ZNRF2: variants seen among roughly 807,000 people sequenced by gnomAD.
ZNRF2 encodes the protein zinc and ring finger 2, also known as E3 ubiquitin-protein ligase ZNRF2.
A neutral mutation model predicts 20.4 loss-of-function variants in ZNRF2; 16 were observed. The observed-to-expected ratio is 0.79, with a 90% CI of 0.53 to 1.19. The LOEUF (loss-of-function observed/expected upper bound fraction) is 1.19. ZNRF2 is among the 50% of genes most tolerant of loss of function. The probability of loss-of-function intolerance (pLI) is 0.00; values close to 1 mark genes in which losing one functional copy is unlikely to be tolerated. For missense variants in ZNRF2, 363 were observed against 332.4 expected (o/e 1.09, Z -0.72); for synonymous variants, 178 against 144.9 (o/e 1.23, Z -1.64).
intron 2 of ZNRF2, among the ~76,000 whole-genome samples, chr7:30,355,426 G>T (rs1291117633): frequency 6.6e-6 from 1 of 151,978 alleles, no homozygotes; most frequent in Non-Finnish European, 1.5e-5. Context: ...CAAATAACTA[G>T]CTTATTGATA....
At chr7:30,326,485 T>G (rs558531960) in intron 2 of ZNRF2, among the ~76,000 whole-genome samples, 7 of 152,364 alleles carry the variant, frequency 4.6e-5, no homozygotes, top group South Asian at 2.1e-4. Context: ...TATGGCTGTG[T>G]AGTATTCACA....
intron 3 of ZNRF2, 108 bp from the exon 4 acceptor site, chr7:30,362,269 A>G: frequency 3.0e-6 from 2 of 665,302 alleles, no homozygotes; most frequent in Non-Finnish European, 4.8e-6. Context: ...TAAAATGCTC[A>G]TTTTTTTCTG....
intron 1 of ZNRF2, among the ~76,000 whole-genome samples, chr7:30,310,490 G>A (rs893032394): frequency 5.9e-5 from 9 of 152,134 alleles, no homozygotes; most frequent in Non-Finnish European, 1.2e-4. Context: ...GTTTGGGTAA[G>A]CCATAGAGAC....
intron 1 of ZNRF2, among the ~76,000 whole-genome samples, chr7:30,309,117 TTTTAC>T (rs1340270999): frequency 6.6e-6 from 1 of 152,168 alleles, no homozygotes; most frequent in Non-Finnish European, 1.5e-5. Flanking sequence ...CTGAGGGCCT[TTTTAC>T]TTTAAAAAGT....
At chr7:30,335,142 A>G (rs1799697267) in intron 2 of ZNRF2, among the ~76,000 whole-genome samples, 1 of 152,180 alleles carries the variant, frequency 6.6e-6, no homozygotes, top group South Asian at 2.1e-4. Context: ...GAGGACTATG[A>G]CATCTGTTTT....
At chr7:30,344,999 A>G (rs995797384) in intron 2 of ZNRF2, among the ~76,000 whole-genome samples, 2 of 152,144 alleles carry the variant, frequency 1.3e-5, no homozygotes, top group African/African-American at 4.8e-5. Context: ...TCTTTTTGCC[A>G]GAATGCCCAA....
chr7:30,294,659 C>T (rs36062935), intron 1 of ZNRF2, among the ~76,000 whole-genome samples: 25,799 of 151,720 alleles, frequency 0.17, 2,684 homozygotes, highest in Admixed American at 0.25. Context: ...GGCAGGTGCC[C>T]GTAATCCCAG....
chr7:30,324,398 A>T (rs1799520189), intron 2 of ZNRF2, among the ~76,000 whole-genome samples: 1 of 151,752 alleles, frequency 6.6e-6, no homozygotes, highest in African/African-American at 2.4e-5. Flanking sequence ...GAAAAAAAAA[A>T]ATTAGCTGGG....
At chr7:30,330,182 T>C (rs148516338) in intron 2 of ZNRF2, among the ~76,000 whole-genome samples, 460 of 152,306 alleles carry the variant, frequency 3.0e-3, no homozygotes, top group Non-Finnish European at 4.6e-3. Context: ...TTTGTTTTAC[T>C]TGTGGTTGGT....
intron 1 of ZNRF2, among the ~76,000 whole-genome samples, chr7:30,299,995 A>G (rs777861982): frequency 2.3e-4 from 35 of 151,842 alleles, no homozygotes; most frequent in Non-Finnish European, 3.7e-4. Context: ...TGTGTTAGCC[A>G]GGATGGTCTT....
intron 1 of ZNRF2, among the ~76,000 whole-genome samples, chr7:30,287,968 A>G (rs772872311): frequency 0.013 from 1,920 of 152,032 alleles, 44 homozygotes; most frequent in African/African-American, 0.044. Flanking sequence ...TGACAGGATC[A>G]GATGAAAGTG....
chr7:30,288,248 A>G (rs1228763833), intron 1 of ZNRF2, among the ~76,000 whole-genome samples: 10 of 152,364 alleles, frequency 6.6e-5, no homozygotes, highest in Non-Finnish European at 1.5e-4. Flanking sequence ...AATTGTATAA[A>G]TGGTTATATA....
At chr7:30,363,370 C>A (rs953712703) in intron 4 of ZNRF2, among the ~76,000 whole-genome samples, 1 of 152,146 alleles carries the variant, frequency 6.6e-6, no homozygotes, top group African/African-American at 2.4e-5. Context: ...CATTACTGTT[C>A]CTATTACGCA....
At chr7:30,354,198 G>A (rs1417661875) in intron 2 of ZNRF2, among the ~76,000 whole-genome samples, 1 of 151,958 alleles carries the variant, frequency 6.6e-6, no homozygotes, top group Admixed American at 6.6e-5. Context: ...TCAGGGAAGT[G>A]GTAATAACAT....
In ZNRF2 at chr7:30,333,790, G is replaced by C. The variant is rs188208002; in HGVS notation, c.565+10053G>C. 6.4e-4 allele frequency among the ~76,000 whole-genome samples: 97 copies of C among 152,270 alleles called. 2 individuals carry two copies. The highest frequency in any genetic ancestry group is 5.8e-3 in the Admixed American group (88 of 15,294). ...ACATTTTTTCATATGTTTGTTGGCT[G>C]CTTGTATGTCATCTTTTGAGAAGTA... On this transcript the variant is annotated intron_variant, in intron 2 of 4. Transcript: ENST00000323037.
intron 1 of ZNRF2, among the ~76,000 whole-genome samples, chr7:30,307,531 C>CT (rs1296020795): frequency 6.6e-6 from 1 of 151,788 alleles, no homozygotes; most frequent in Non-Finnish European, 1.5e-5. Flanking sequence ...GAATTATAGA[C>CT]TGAGTCCAAG....
rs1798769947 is a variant in ZNRF2, at chr7:30,285,668, C to T, written c.311C>T (p.Pro104Leu). The stretch of plus-strand genomic sequence containing the variant: ...GCGGCGCAGTCCCCCTTCAGCATCC[C>T]GAACAGCAGCAGCGGCCCGTACGGC... ...ARAAQSPFSI[P>L]NSSSGPYGSQ... The change falls in exon 1 of 5, where the codon CCG becomes CTG. Residue 104 changes from proline to leucine, a missense_variant. Around this residue, in one of 2 missense-constraint regions of ZNRF2, gnomAD observed 302 missense variants for 231.5 expected, o/e 1.30. Transcript: ENST00000323037. 4.2e-6 allele frequency: 6 copies of T among 1,435,140 alleles called. No homozygotes were observed. Among genetic ancestry groups the T allele is most frequent in the African/African-American group, 1.5e-5 (1 of 66,226 alleles). 88.9% of individuals were successfully genotyped at this position (1,435,140 alleles called of 1,614,324 possible).
Position 30,285,928 on chromosome 7 carries a change from G to T in ZNRF2, c.469+102G>T, listed in dbSNP as rs114373227. On this transcript the variant is annotated intron_variant, in intron 1 of 4. Transcript: ENST00000323037. ...CCCTTCTCCTTTTCTCCTTCTGCCG[G>T]GGCGCCGGGGGCTGCCTCCCGGACC... The T allele has an allele frequency of 2.6e-4, 342 of 1,327,048 alleles. No individual in the cohort carries two copies. The African/African-American group carries it at 4.9e-3, about 19-fold the overall frequency. The allele number at this position is 1,327,048 out of a possible 1,614,324, so 82.2% of individuals were successfully genotyped here. A position where few individuals can be genotyped will look rare whatever the true frequency, so the allele number is the denominator to read the frequency against.
chr7:30,346,581 C>T (rs1799883441), intron 2 of ZNRF2, among the ~76,000 whole-genome samples: 1 of 151,884 alleles, frequency 6.6e-6, no homozygotes, highest in Non-Finnish European at 1.5e-5. Flanking sequence ...CTAGTCTTTC[C>T]ATTTGGAAGC....
Sources: allele counts gnomAD v4.1 joint callset (sites outside exome capture counted in the v4.1 genomes callset), GRCh38; gene constraint gnomAD v4.1.1; regional missense constraint gnomAD v4.1.1; transcripts MANE v1.5; gene names NCBI Gene and HGNC (gene_info 2026-07-23, HGNC 2026-07-21).